Variants in NUP205 observed in about 807,000 individuals in gnomAD.
The protein encoded by NUP205 is nuclear pore complex protein Nup205.
A neutral mutation model predicts 253.8 loss-of-function variants in NUP205; 76 were observed. The observed-to-expected ratio is 0.30, with a 90% CI of 0.25 to 0.36. The LOEUF (loss-of-function observed/expected upper bound fraction) is 0.36, where lower values mean the gene tolerates loss of function less well. Among genes scored for constraint, NUP205 ranks in the 10% least tolerant of loss-of-function variants. The pLI is 1.00. For missense variants in NUP205, 2,162 were observed against 2,425.5 expected (o/e 0.89, Z 2.28); for synonymous variants, 832 against 850.1 (o/e 0.98, Z 0.37).
chr7:135,578,668 C>G (rs1201238524), intron 6 of NUP205, 83 bp from the exon 7 acceptor site: 2 of 980,420 alleles, frequency 2.0e-6, no homozygotes, highest in East Asian at 2.6e-5. Flanking sequence ...CTCAGATTTT[C>G]TGACTTTTGG....
At chr7:135,646,613 A>G (rs533118370) in intron 42 of NUP205, among the ~76,000 whole-genome samples, 123 of 152,328 alleles carry the variant, frequency 8.1e-4, no homozygotes, top group African/African-American at 2.7e-3. Context: ...ATAAATAAAT[A>G]AATGAATGAA....
intron 31 of NUP205, among the ~76,000 whole-genome samples, chr7:135,623,962 T>G (rs961850757): frequency 6.6e-6 from 1 of 152,014 alleles, no homozygotes; most frequent in Non-Finnish European, 1.5e-5. Flanking sequence ...TTTTGTAGTT[T>G]TAGTAGAGAC....
chr7:135,577,965 T>C lies in NUP205; in HGVS notation c.818T>C (p.Met273Thr), dbSNP rs756688385. The C allele has an allele frequency of 6.2e-6, 10 of 1,614,042 alleles. No individual in the cohort carries two copies. The highest frequency in any genetic ancestry group is 2.2e-5 in the East Asian group (1 of 44,884). The change falls in exon 6 of 43, where the codon ATG becomes ACG. Residue 273 changes from methionine (M) to threonine (T), a missense_variant. Met to Thr is a moderately conservative substitution (Grantham distance 81). Transcript: ENST00000285968. ...GATGCAGTGAATCTGGCTCTTCTTA[T>C]GGCGCTTCTATACTGTTTTGATATC... ...SLDAVNLALL[M>T]ALLYCFDISF...
chr7:135,617,080 T>A lies in NUP205; in HGVS notation c.3533-10T>A, dbSNP rs755835796. The A allele has an allele frequency of 6.3e-7, 1 of 1,591,600 alleles. No individual in the cohort carries two copies. Among genetic ancestry groups the A allele is most frequent in the South Asian group, 1.1e-5 (1 of 88,184 alleles). Reference sequence around the variant, plus strand: ...CCAAGTAAAATCAAATTACTTTTTATTATTTCTAGTACGTCGAAAAATTCT... The same window carrying A: ...CCAAGTAAAATCAAATTACTTTTTAATATTTCTAGTACGTCGAAAAATTCT... On this transcript the variant is annotated splice_polypyrimidine_tract_variant and intron_variant, in intron 25 of 42. Coordinates refer to ENST00000285968, the MANE Select transcript of NUP205 (RefSeq NM_015135.3).
At chr7:135,648,261 T>C in intron 42 of NUP205, 143 bp from the exon 43 acceptor site, 1 of 641,790 alleles carries the variant, frequency 1.6e-6, no homozygotes, top group South Asian at 3.8e-5. Flanking sequence ...GTTAATTTAG[T>C]AACACATTAC....
At chr7:135,585,636 C>T (rs35068685) in intron 8 of NUP205, among the ~76,000 whole-genome samples, 19,880 of 151,562 alleles carry the variant, frequency 0.13, 1,426 homozygotes, top group African/African-American at 0.18. Flanking sequence ...TCACTGCAAT[C>T]TCCGCCTCCT....
Position 135,625,248 on chromosome 7 carries a change from T to C in NUP205, c.4564T>C (p.Leu1522=), listed in dbSNP as rs1344155556. The stretch of plus-strand genomic sequence containing the variant: ...TTTGTATCTTTCTAACAGTGGCTAC[T>C]TGAAGGTCCTCGTAGACAGCTTGGT... The part of the protein sequence containing the change: ...WLLYLSNSGY[L]KVLVDSLVED... The change falls in exon 32 of 43, where the codon TTG becomes CTG. Residue 1522 remains leucine (L), a synonymous_variant. Transcript: ENST00000285968. 4.3e-6 allele frequency: 7 copies of C among 1,614,060 alleles called. No individual in the cohort carries two copies. In the African/African-American group the frequency reaches 8.0e-5, roughly 18 times the overall value.
intron 7 of NUP205, among the ~76,000 whole-genome samples, chr7:135,583,960 G>A (rs1043730146): frequency 6.6e-6 from 1 of 151,116 alleles, no homozygotes; most frequent in African/African-American, 2.4e-5. Flanking sequence ...TCCTGCCTCA[G>A]CCTCCCCAGT....
rs376086183 is a variant in NUP205 at position 135,589,261 on chromosome 7, G to GT, written c.1473+1280dup. ...GCTTTTATGCAATGTGTGTGTGTGT[G>GT]TTTTTTTTTTTCTGGACTCCAGATC... is the stretch of plus-strand genomic sequence containing the variant. On this transcript the variant is annotated intron_variant, in intron 10 of 42. Coordinates refer to ENST00000285968, the MANE Select transcript of NUP205 (RefSeq NM_015135.3). Among the ~76,000 whole-genome samples the GT allele has an allele frequency of 7.9e-3, 1,116 of 141,952 alleles. 17 individuals carry two copies. The highest frequency in any genetic ancestry group is 0.011 in the African/African-American group (419 of 38,924). The allele number at this position is 141,952 out of a possible 152,430, so 93.1% of individuals were successfully genotyped here.
chr7:135,628,964 A>G lies in NUP205; in HGVS notation c.4932+853A>G, dbSNP rs1584685511. Among the ~76,000 whole-genome samples the G allele has an allele frequency of 5.9e-5, 9 of 152,190 alleles. No homozygotes were observed. The South Asian group carries it at 1.7e-3, about 28-fold the overall frequency. Reference sequence around the variant, plus strand: ...TCAGAGACTTTGCCTTTCTTCCCCTAGATTGAGATTAAGATTTTTTAGTAG... The same window carrying G: ...TCAGAGACTTTGCCTTTCTTCCCCTGGATTGAGATTAAGATTTTTTAGTAG... On this transcript the variant is annotated intron_variant, in intron 34 of 42. Transcript: ENST00000285968.
intron 2 of NUP205, 54 bp from the exon 3 acceptor site, chr7:135,573,600 G>A: frequency 7.2e-7 from 1 of 1,394,678 alleles, no homozygotes. Context: ...TAACACTTTG[G>A]GACCTTGTCT....
chr7:135,626,958 C>T (rs1794604013), intron 33 of NUP205, among the ~76,000 whole-genome samples: 1 of 152,162 alleles, frequency 6.6e-6, no homozygotes, highest in Non-Finnish European at 1.5e-5. Context: ...GATCTATTAG[C>T]AACTTGAATG....
At chr7:135,564,245 ATTT>A (rs35094813) in intron 1 of NUP205, among the ~76,000 whole-genome samples, 7 of 123,990 alleles carry the variant, frequency 5.6e-5, no homozygotes, top group Non-Finnish European at 3.3e-5. Flanking sequence ...ATGCCCAGCT[ATTT>A]TTTTTTTTTT....
At chr7:135,585,557 T>G (rs1053356033) in intron 8 of NUP205, among the ~76,000 whole-genome samples, 1 of 148,092 alleles carries the variant, frequency 6.8e-6, no homozygotes, top group South Asian at 2.1e-4. Flanking sequence ...TTGTTTAGAT[T>G]TTTTTTTTTT....
At chr7:135,595,108 G>C (rs148818843) in intron 13 of NUP205, among the ~76,000 whole-genome samples, 212 of 152,182 alleles carry the variant, frequency 1.4e-3, no homozygotes, top group African/African-American at 4.8e-3. Context: ...TTTCTTATCT[G>C]CTCTTTCCTG....
intron 1 of NUP205, among the ~76,000 whole-genome samples, chr7:135,558,472 C>T (rs1805494276): frequency 1.3e-5 from 2 of 152,122 alleles, no homozygotes; most frequent in African/African-American, 4.8e-5. Context: ...AAGAGGGTGG[C>T]GGGGCTTCAG....
intron 10 of NUP205, 142 bp from the exon 11 acceptor site, chr7:135,591,308 T>C: frequency 1.6e-6 from 1 of 630,006 alleles, no homozygotes; most frequent in Non-Finnish European, 2.7e-6. Flanking sequence ...TTTTCATAAA[T>C]AGAATATCAG....
In NUP205 at chr7:135,645,320, G is replaced by A. The variant is rs538104868; in HGVS notation, c.5684-148G>A. Reference sequence around the variant, plus strand: ...GCACACCTTGCTGCTTCCTCTTGAGGAGCCTTCAGTGAGACCCTGTCTGTT... The same window carrying A: ...GCACACCTTGCTGCTTCCTCTTGAGAAGCCTTCAGTGAGACCCTGTCTGTT... On this transcript the variant is annotated intron_variant, in intron 40 of 42. Coordinates refer to ENST00000285968, the MANE Select transcript of NUP205 (RefSeq NM_015135.3). 32 of 875,482 alleles carry A rather than the reference G, an allele frequency of 3.7e-5. No homozygotes were observed. In the African/African-American group the frequency reaches 5.2e-4, roughly 14 times the overall value. The allele number at this position is 875,482 out of a possible 1,614,324, so 54.2% of individuals were successfully genotyped here.
Position 135,598,022 on chromosome 7 carries a change from C to T in NUP205, c.2089C>T (p.Arg697Trp), listed in dbSNP as rs1311612010. The change falls in exon 15 of 43, where the codon CGG (arginine) becomes TGG (tryptophan). Residue 697 changes from arginine (R) to tryptophan (W), a missense_variant. Transcript: ENST00000285968. Reference sequence around the variant, plus strand: ...GGTTGAACTAAATGAAATAGAATCCCGGTGTGAAGAATACCCATTGACTCG... The same window carrying T: ...GGTTGAACTAAATGAAATAGAATCCTGGTGTGAAGAATACCCATTGACTCG... The part of the protein sequence containing the change: ...IEVELNEIES[R>W]CEEYPLTRAF... 14 of 1,613,786 alleles carry T rather than the reference C, an allele frequency of 8.7e-6. No individual in the cohort carries two copies. Among genetic ancestry groups the T allele is most frequent in the African/African-American group, 4.0e-5 (3 of 74,888 alleles).
Sources: allele counts gnomAD v4.1 joint callset (sites outside exome capture counted in the v4.1 genomes callset), GRCh38; gene constraint gnomAD v4.1.1; transcripts MANE v1.5; gene names NCBI Gene and HGNC (gene_info 2026-07-23, HGNC 2026-07-21).